C12orf42: variants seen among roughly 807,000 people sequenced by gnomAD.
The protein encoded by C12orf42 is chromosome 12 open reading frame 42, also known as uncharacterized protein C12orf42.
A neutral mutation model predicts 21.6 loss-of-function variants in C12orf42; 25 were observed. That is an observed-to-expected ratio of 1.16 (90% CI 0.84 to 1.62). The LOEUF (loss-of-function observed/expected upper bound fraction) is 1.62. C12orf42 is among the 40% of genes most tolerant of loss of function. C12orf42 has a pLI of 0.00. For synonymous variants in C12orf42, 174 were observed against 175.0 expected (o/e 0.99, Z 0.05); for missense variants, 483 against 459.3 (o/e 1.05, Z -0.47).
At chr12:103,082,813 T>C in the C12orf42 span, among the ~76,000 whole-genome samples, 1 of 152,158 alleles carries the variant, frequency 6.6e-6, no homozygotes, top group Non-Finnish European at 1.5e-5. Context: ...AAGAAGTAAA[T>C]AGGTAGGTGA....
At chr12:103,368,092 G>T (rs1007569290) in intron 4 of C12orf42, 89 of 1,281,710 alleles carry the variant, frequency 6.9e-5, no homozygotes, top group Non-Finnish European at 8.7e-5. Context: ...ATCCTTTCAG[G>T]TCAGTGAAAT....
intron 4 of C12orf42, among the ~76,000 whole-genome samples, chr12:103,294,797 G>A (rs1239452485): frequency 6.6e-6 from 1 of 152,108 alleles, no homozygotes. Context: ...ACATGTGCAG[G>A]CTTGTTACAT....
intron 1 of C12orf42, among the ~76,000 whole-genome samples, chr12:103,483,348 T>A: frequency 6.7e-6 from 1 of 149,168 alleles, no homozygotes; most frequent in South Asian, 2.1e-4. Flanking sequence ...TACTCTCAAT[T>A]TTGTTGTGAA....
chr12:103,533,006 C>T, the C12orf42 span, among the ~76,000 whole-genome samples: 1 of 152,182 alleles, frequency 6.6e-6, no homozygotes, highest in African/African-American at 2.4e-5. Context: ...AAAAGTTCAC[C>T]CTACGGTTCA....
At chr12:103,273,249 A>G (rs1272377841) in intron 5 of C12orf42, among the ~76,000 whole-genome samples, 1 of 152,170 alleles carries the variant, frequency 6.6e-6, no homozygotes, top group Non-Finnish European at 1.5e-5. Flanking sequence ...GTTCAGTTCC[A>G]TAAAAGAAGA....
chr12:103,060,002 A>C, the C12orf42 span, among the ~76,000 whole-genome samples: 2 of 152,192 alleles, frequency 1.3e-5, no homozygotes, highest in Admixed American at 1.3e-4. Flanking sequence ...AAGAGAAAGA[A>C]ATAAAGCATT....
the C12orf42 span, among the ~76,000 whole-genome samples, chr12:103,199,774 C>A: frequency 5.3e-4 from 81 of 152,286 alleles, 2 homozygotes; most frequent in Admixed American, 5.3e-3. Flanking sequence ...GAGGTACCAA[C>A]TCACACCTGT....
chr12:103,549,021 T>C, the C12orf42 span: 2 of 152,254 alleles, frequency 1.3e-5, no homozygotes, highest in African/African-American at 4.8e-5. Flanking sequence ...ATCCATAAAC[T>C]TGATTTTCCA....
At chr12:103,481,038 T>C (rs1481464349) in intron 1 of C12orf42, among the ~76,000 whole-genome samples, 1 of 151,788 alleles carries the variant, frequency 6.6e-6, no homozygotes, top group Non-Finnish European at 1.5e-5. Context: ...AGTCAATTTT[T>C]ATAATTTTGA....
chr12:103,248,864 A>AT (rs948137868), intron 10 of C12orf42, among the ~76,000 whole-genome samples: 13 of 151,954 alleles, frequency 8.6e-5, no homozygotes, highest in African/African-American at 2.7e-4. Flanking sequence ...ATGGTTGACT[A>AT]TTTTTTTAAT....
intron 2 of C12orf42, among the ~76,000 whole-genome samples, chr12:103,443,653 A>G (rs1439355611): frequency 6.6e-6 from 1 of 152,088 alleles, no homozygotes; most frequent in Admixed American, 6.6e-5. Flanking sequence ...AACAAAACAT[A>G]TCTGTAATTA....
At chr12:103,466,271 T>G (rs915858042) in intron 2 of C12orf42, among the ~76,000 whole-genome samples, 1 of 152,032 alleles carries the variant, frequency 6.6e-6, no homozygotes, top group Non-Finnish European at 1.5e-5. Context: ...GTGTCGTGAG[T>G]AAAATTTTCT....
intron 2 of C12orf42, among the ~76,000 whole-genome samples, chr12:103,458,470 T>C (rs1565862399): frequency 6.6e-6 from 1 of 152,184 alleles, no homozygotes; most frequent in South Asian, 2.1e-4. Flanking sequence ...CAGGGTGTGA[T>C]GCTGGGCACC....
At chr12:103,241,250 G>A (rs1398157692) in intron 10 of C12orf42, among the ~76,000 whole-genome samples, 1 of 150,978 alleles carries the variant, frequency 6.6e-6, no homozygotes, top group Non-Finnish European at 1.5e-5. Context: ...TCCTGTCCCT[G>A]ACAGCCCCCA....
intron 3 of C12orf42, among the ~76,000 whole-genome samples, chr12:103,386,578 G>A (rs535428055): frequency 1.3e-5 from 2 of 152,270 alleles, no homozygotes; most frequent in Non-Finnish European, 2.9e-5. Flanking sequence ...CATTTTTAAT[G>A]TAATCTTTTG....
chr12:103,212,547 G>A, the C12orf42 span, among the ~76,000 whole-genome samples: 1 of 152,000 alleles, frequency 6.6e-6, no homozygotes, highest in South Asian at 2.1e-4. Context: ...TTTGGGGGGA[G>A]GGCAAAACTA....
the C12orf42 span, among the ~76,000 whole-genome samples, chr12:103,544,208 T>C: frequency 1.3e-5 from 2 of 152,160 alleles, no homozygotes; most frequent in South Asian, 2.1e-4. Flanking sequence ...AAGAGTCTCT[T>C]GGTAGCAAAT....
the C12orf42 span, among the ~76,000 whole-genome samples, chr12:103,097,891 T>C: frequency 2.0e-5 from 3 of 152,242 alleles, no homozygotes; most frequent in African/African-American, 7.2e-5. Context: ...TCACTTCCTC[T>C]GTGACACGCT....
intron 4 of C12orf42, among the ~76,000 whole-genome samples, chr12:103,323,546 T>C (rs1409683757): frequency 6.6e-6 from 1 of 152,028 alleles, no homozygotes; most frequent in Non-Finnish European, 1.5e-5. Flanking sequence ...GCAGACAAAA[T>C]AAAATGAAGA....
Sources: gnomAD v4.1 joint callset for allele counts (sites outside exome capture counted in the v4.1 genomes callset) on GRCh38, gnomAD v4.1.1 for gene constraint, MANE v1.5 for transcripts, NCBI Gene and HGNC (gene_info 2026-07-23, HGNC 2026-07-21) for gene names.